Variants in EFCAB11 observed in about 807,000 individuals in gnomAD.
The protein encoded by EFCAB11 is EF-hand calcium binding domain 11.
Under a neutral mutation model 23.0 loss-of-function variants are expected in EFCAB11, and 14 were observed. The observed-to-expected ratio is 0.61, with a 90% CI of 0.40 to 0.95. The LOEUF (loss-of-function observed/expected upper bound fraction) is 0.95, where lower values mean the gene tolerates loss of function less well. Ranked by LOEUF, EFCAB11 falls within the 40% of genes least tolerant of loss-of-function variation. The probability of loss-of-function intolerance (pLI) is 0.00; values close to 1 mark genes in which losing one functional copy is unlikely to be tolerated. For synonymous variants in EFCAB11, 65 were observed against 66.6 expected (o/e 0.98, Z 0.11); for missense variants, 198 against 195.8 (o/e 1.01, Z -0.07).
intron 5 of EFCAB11, among the ~76,000 whole-genome samples, chr14:89,834,280 G>A (rs546789373): frequency 3.4e-5 from 5 of 147,376 alleles, no homozygotes; most frequent in African/African-American, 1.3e-4. Context: ...GGAGGCTGAG[G>A]CAGGTGAATC....
At chr14:89,932,414 A>G (rs985221273) in intron 4 of EFCAB11, 112 bp downstream of exon 4, 4 of 798,226 alleles carry the variant, frequency 5.0e-6, no homozygotes, top group Admixed American at 2.8e-5. Flanking sequence ...TAATGAATAC[A>G]GTAATATAAT....
At chr14:89,872,800 C>G (rs1322251218) in intron 5 of EFCAB11, among the ~76,000 whole-genome samples, 1 of 151,858 alleles carries the variant, frequency 6.6e-6, no homozygotes, top group African/African-American at 2.4e-5. Context: ...CACACACACA[C>G]AGACACACAC....
At chr14:89,856,632 G>A (rs1212504968) in intron 5 of EFCAB11, among the ~76,000 whole-genome samples, 3 of 152,114 alleles carry the variant, frequency 2.0e-5, no homozygotes, top group Admixed American at 2.0e-4. Context: ...CATCCTAACA[G>A]CTATGAAGTA....
intron 5 of EFCAB11, among the ~76,000 whole-genome samples, chr14:89,902,444 T>C (rs1240239026): frequency 6.6e-6 from 1 of 152,210 alleles, no homozygotes; most frequent in Non-Finnish European, 1.5e-5. Context: ...TTTGCTGTGT[T>C]GGTGGCTCTA....
chr14:89,954,270 C>T (rs577254712), intron 1 of EFCAB11: 4 of 1,392,074 alleles, frequency 2.9e-6, no homozygotes, highest in South Asian at 2.5e-5. Flanking sequence ...GAGATAAATT[C>T]TACCCAAAAT....
intron 5 of EFCAB11, chr14:89,924,383 T>A: frequency 8.4e-7 from 1 of 1,192,024 alleles, no homozygotes; most frequent in Non-Finnish European, 1.0e-6. Flanking sequence ...ACTCAGGATC[T>A]TGGACGCTGG....
chr14:89,933,186 G>A (rs1566817497), intron 3 of EFCAB11, among the ~76,000 whole-genome samples: 1 of 152,204 alleles, frequency 6.6e-6, no homozygotes, highest in East Asian at 1.9e-4. Flanking sequence ...CCCACAACGT[G>A]TGGAGCAGCC....
chr14:89,882,330 T>C (rs1888627907), intron 5 of EFCAB11, among the ~76,000 whole-genome samples: 1 of 152,208 alleles, frequency 6.6e-6, no homozygotes, highest in South Asian at 2.1e-4. Flanking sequence ...TATGTTGAGA[T>C]GGTCTAAATT....
At chr14:89,820,840 C>A (rs1202674441) in intron 5 of EFCAB11, among the ~76,000 whole-genome samples, 1 of 151,894 alleles carries the variant, frequency 6.6e-6, no homozygotes. Context: ...AAATACCAGT[C>A]TAGACATTGC....
At chr14:89,940,087 T>C (rs999032753) in intron 3 of EFCAB11, among the ~76,000 whole-genome samples, 2 of 152,234 alleles carry the variant, frequency 1.3e-5, no homozygotes, top group African/African-American at 4.8e-5. Context: ...CTGTGTCTCC[T>C]AATTCTTCCC....
At chr14:89,952,648 C>T in intron 2 of EFCAB11, 1 of 970,428 alleles carries the variant, frequency 1.0e-6, no homozygotes, top group Non-Finnish European at 1.2e-6. Context: ...ACTTATTGTG[C>T]ATCACAACTT....
At chr14:89,911,628 T>C (rs1315537936) in intron 5 of EFCAB11, among the ~76,000 whole-genome samples, 1 of 152,332 alleles carries the variant, frequency 6.6e-6, no homozygotes, top group East Asian at 1.9e-4. Context: ...CATCCTAGTA[T>C]CCACAGTCTT....
intron 5 of EFCAB11, among the ~76,000 whole-genome samples, chr14:89,919,878 GAGA>G (rs773509283): frequency 5.9e-5 from 9 of 152,216 alleles, no homozygotes; most frequent in East Asian, 5.8e-4. Context: ...CAACCAAGGA[GAGA>G]AGAAGAGCAG....
At chr14:89,921,063 T>TAAAAAAAAAAAAAAAAAAAAAA (rs199585363) in intron 5 of EFCAB11, among the ~76,000 whole-genome samples, 1 of 111,564 alleles carries the variant, frequency 9.0e-6, no homozygotes, top group African/African-American at 5.0e-5. Flanking sequence ...AGACTCTGTC[T>TAAAAAAAAAAAAAAAAAAAAAA]AAAAAAAAAA....
At chr14:89,950,737 C>G (rs558632527) in intron 2 of EFCAB11, among the ~76,000 whole-genome samples, 2 of 152,242 alleles carry the variant, frequency 1.3e-5, no homozygotes, top group African/African-American at 4.8e-5. Flanking sequence ...CTTTACCACA[C>G]TGTTACAAGG....
chr14:89,862,615 T>C (rs1225459928), intron 5 of EFCAB11, among the ~76,000 whole-genome samples: 1 of 152,232 alleles, frequency 6.6e-6, no homozygotes, highest in Non-Finnish European at 1.5e-5. Flanking sequence ...TTTAGTTGTG[T>C]TGACTAGTCT....
intron 5 of EFCAB11, among the ~76,000 whole-genome samples, chr14:89,900,119 GC>G (rs1434440113): frequency 6.6e-6 from 1 of 152,098 alleles, no homozygotes; most frequent in Admixed American, 6.5e-5. Context: ...GCCCCCTGGT[GC>G]CCCAACAGAA....
intron 3 of EFCAB11, among the ~76,000 whole-genome samples, chr14:89,934,125 T>G (rs892826074): frequency 6.6e-6 from 1 of 152,022 alleles, no homozygotes; most frequent in Non-Finnish European, 1.5e-5. Flanking sequence ...ATAATTTGGG[T>G]TTTATTTAAG....
At chr14:89,813,991 C>G (rs1390052312) in intron 5 of EFCAB11, among the ~76,000 whole-genome samples, 1 of 151,648 alleles carries the variant, frequency 6.6e-6, no homozygotes, top group Non-Finnish European at 1.5e-5. Flanking sequence ...CATGGTCTGA[C>G]TATTTGACTC....
Sources: allele counts gnomAD v4.1 joint callset (sites outside exome capture counted in the v4.1 genomes callset), GRCh38; gene constraint gnomAD v4.1.1; transcripts MANE v1.5; gene names NCBI Gene and HGNC (gene_info 2026-07-23, HGNC 2026-07-21).